Variants in EPHA3 observed in about 807,000 individuals in gnomAD.
EPHA3 encodes ephrin type-A receptor 3.
In EPHA3, 42 loss-of-function variants were observed where a neutral mutation model predicts 107.1. That is an observed-to-expected ratio of 0.39 (90% confidence interval 0.31 to 0.51). EPHA3 has a LOEUF of 0.51. Ranked by LOEUF, EPHA3 falls within the 20% of genes least tolerant of loss-of-function variation. EPHA3 has a pLI of 0.78. For synonymous variants in EPHA3, 461 were observed against 424.8 expected (o/e 1.09, Z -1.05); for missense variants, 1,183 against 1,211.2 (o/e 0.98, Z 0.35).
chr3:89,457,011 G>A, intron 15 of EPHA3, among the ~76,000 whole-genome samples: 1 of 152,092 alleles, frequency 6.6e-6, no homozygotes, highest in East Asian at 1.9e-4. Flanking sequence ...AATTATTAGA[G>A]CAAAAATAAA....
At chr3:89,406,295 CA>C (rs1462452240) in intron 7 of EPHA3, among the ~76,000 whole-genome samples, 1 of 152,148 alleles carries the variant, frequency 6.6e-6, no homozygotes, top group Non-Finnish European at 1.5e-5. Flanking sequence ...TATACAATCT[CA>C]TTCCCCACTC....
intron 3 of EPHA3, among the ~76,000 whole-genome samples, chr3:89,331,133 C>T (rs539627035): frequency 1.2e-4 from 19 of 152,190 alleles, no homozygotes; most frequent in Non-Finnish European, 2.2e-4. Context: ...TATTTACATA[C>T]GTTACATGTA....
chr3:89,131,142 G>A (rs1704200163), intron 2 of EPHA3, among the ~76,000 whole-genome samples: 2 of 151,172 alleles, frequency 1.3e-5, no homozygotes, highest in African/African-American at 4.9e-5. Flanking sequence ...GTCGTGAATA[G>A]CAATTCATTT....
chr3:89,340,841 A>G, intron 3 of EPHA3, 75 bp from the exon 4 acceptor site: 1 of 1,359,006 alleles, frequency 7.4e-7, no homozygotes, highest in African/African-American at 1.5e-5. Flanking sequence ...TCATATTCGA[A>G]CTTACTTAAA....
At chr3:89,172,456 C>T (rs1705232444) in intron 2 of EPHA3, among the ~76,000 whole-genome samples, 3 of 152,114 alleles carry the variant, frequency 2.0e-5, no homozygotes, top group South Asian at 4.1e-4. Context: ...GTCAGGCCTG[C>T]GTTACAAAAG....
At chr3:89,198,880 T>TA (rs1388802046) in intron 2 of EPHA3, among the ~76,000 whole-genome samples, 1 of 152,222 alleles carries the variant, frequency 6.6e-6, no homozygotes, top group African/African-American at 2.4e-5. Context: ...TGGTCATTTG[T>TA]AATAATTCTG....
At chr3:89,339,276 CAGG>C (rs1031547055) in intron 3 of EPHA3, among the ~76,000 whole-genome samples, 4 of 144,336 alleles carry the variant, frequency 2.8e-5, no homozygotes, top group African/African-American at 1.0e-4. Flanking sequence ...GAGGCTGAGG[CAGG>C]AGAATAGCTT....
At chr3:89,205,216 G>A (rs1203551431) in intron 2 of EPHA3, among the ~76,000 whole-genome samples, 1 of 151,884 alleles carries the variant, frequency 6.6e-6, no homozygotes, top group East Asian at 1.9e-4. Context: ...CCCCTTGTTA[G>A]CAAATAAATA....
At chr3:89,164,670 G>A (rs6551399) in intron 2 of EPHA3, among the ~76,000 whole-genome samples, 147,393 of 152,220 alleles carry the variant, frequency 0.97, 71,384 homozygotes, top group African/African-American at 0.99. Context: ...GGAGAAAAAA[G>A]ATTAAGTAGG....
chr3:89,117,184 T>G (rs2106951825), intron 1 of EPHA3, among the ~76,000 whole-genome samples: 1 of 152,188 alleles, frequency 6.6e-6, no homozygotes, highest in Admixed American at 6.5e-5. Flanking sequence ...TTAATATAGG[T>G]TTTTTCAATT....
At chr3:89,182,541 C>T (rs188923719) in intron 2 of EPHA3, among the ~76,000 whole-genome samples, 2 of 151,768 alleles carry the variant, frequency 1.3e-5, no homozygotes, top group Admixed American at 6.6e-5. Flanking sequence ...AAAAGGTATG[C>T]CTTACATTAT....
rs1295057119 is a variant in EPHA3 at position 89,413,271 on chromosome 3, C to A, written c.1888+5C>A. 1 of 1,611,286 alleles carries A rather than the reference C, an allele frequency of 6.2e-7. No individual in the cohort carries two copies. Among genetic ancestry groups the A allele is most frequent in the Non-Finnish European group, 8.5e-7 (1 of 1,178,008 alleles). The stretch of plus-strand genomic sequence containing the variant: ...TTGATAAAGTTGTTGGAGCAGGTAA[C>A]CACAATGACCCTACTGCCAACTTAG... On this transcript the variant is annotated splice_donor_5th_base_variant and intron_variant, in intron 10 of 16. Coordinates refer to ENST00000336596, the MANE Select transcript of EPHA3 (RefSeq NM_005233.6).
intron 3 of EPHA3, among the ~76,000 whole-genome samples, chr3:89,255,562 T>C (rs926304887): frequency 2.6e-5 from 4 of 152,234 alleles, no homozygotes; most frequent in Non-Finnish European, 5.9e-5. Context: ...ATATTTACTA[T>C]CTGGCTCTTT....
chr3:89,331,317 C>T (rs1707282937), intron 3 of EPHA3, among the ~76,000 whole-genome samples: 1 of 152,058 alleles, frequency 6.6e-6, no homozygotes, highest in African/African-American at 2.4e-5. Flanking sequence ...TAAGAAAGTA[C>T]AAACAACAAC....
chr3:89,208,516 A>C (rs1370008384), intron 2 of EPHA3, among the ~76,000 whole-genome samples: 4 of 149,574 alleles, frequency 2.7e-5, no homozygotes, highest in African/African-American at 9.9e-5. Flanking sequence ...GGAAGAAAGG[A>C]AGGAAGGGAA....
At chr3:89,183,214 T>G (rs1174618543) in intron 2 of EPHA3, among the ~76,000 whole-genome samples, 1 of 151,990 alleles carries the variant, frequency 6.6e-6, no homozygotes, top group African/African-American at 2.4e-5. Flanking sequence ...ACATGTACCT[T>G]TCTATATATT....
chr3:89,155,700 TAACTTAA>T lies in EPHA3; in HGVS notation c.153+28437_153+28443del, dbSNP rs1478555125. Among the ~76,000 whole-genome samples the T allele has an allele frequency of 6.6e-5, 10 of 152,218 alleles. No individual in the cohort carries two copies. The East Asian group carries it at 7.7e-4, about 12-fold the overall frequency. On this transcript the variant is annotated intron_variant, in intron 2 of 16. Transcript: ENST00000336596. ...TTTTACAATTACGTTTTAATAATGT[TAACTTAA>T]AACTTAAAAATAAAACCACTTCTCA...
intron 3 of EPHA3, among the ~76,000 whole-genome samples, chr3:89,259,514 G>A (rs1475445545): frequency 6.6e-6 from 1 of 152,150 alleles, no homozygotes; most frequent in African/African-American, 2.4e-5. Flanking sequence ...TGTGAAAAGT[G>A]GGGCATGCCA....
chr3:89,476,753 GC>G lies in EPHA3; in HGVS notation c.2847-2641del, dbSNP rs781083854. ...CTCCGGAGTAGCTGGGAGTACAGGC[GC>G]CCGCCACCACGCCCCGCTAATTTTT... On this transcript the variant is annotated intron_variant, in intron 16 of 16. Transcript: ENST00000336596. Among the ~76,000 whole-genome samples, 347 of 151,532 alleles carry G rather than the reference GC, an allele frequency of 2.3e-3. 1 individual carries two copies. The highest frequency in any genetic ancestry group is 2.7e-3 in the Non-Finnish European group (181 of 67,860).
Sources: gnomAD v4.1 joint callset for allele counts (sites outside exome capture counted in the v4.1 genomes callset) on GRCh38, gnomAD v4.1.1 for gene constraint, MANE v1.5 for transcripts, NCBI Gene and HGNC (gene_info 2026-07-23, HGNC 2026-07-21) for gene names.